The following PDE4B variants were observed in gnomAD, a reference collection of about 807,000 sequenced individuals.
PDE4B encodes phosphodiesterase 4B.
In PDE4B, 20 loss-of-function variants were observed where a neutral mutation model predicts 82.2. The observed-to-expected ratio is 0.24, with a 90% CI of 0.17 to 0.35. The LOEUF (loss-of-function observed/expected upper bound fraction) is 0.35, where lower values mean the gene tolerates loss of function less well. Ranked by LOEUF, PDE4B falls within the 10% of genes least tolerant of loss-of-function variation. PDE4B has a pLI of 1.00. For synonymous variants in PDE4B, 320 were observed against 318.9 expected (o/e 1.00, Z -0.04); for missense variants, 655 against 907.2 (o/e 0.72, Z 3.57).
chr1:66,140,843 AC>A (rs1322502044), intron 3 of PDE4B, among the ~76,000 whole-genome samples: 1 of 152,188 alleles, frequency 6.6e-6, no homozygotes, highest in African/African-American at 2.4e-5. Flanking sequence ...GATTTCACAT[AC>A]ATTTTTGCTC....
intron 1 of PDE4B, among the ~76,000 whole-genome samples, chr1:65,896,337 AT>A: frequency 6.6e-6 from 1 of 152,278 alleles, no homozygotes; most frequent in East Asian, 1.9e-4. Context: ...CATGAGACTA[AT>A]TCACTATCAC....
chr1:66,199,052 A>C (rs1463167752), intron 3 of PDE4B, among the ~76,000 whole-genome samples: 1 of 151,848 alleles, frequency 6.6e-6, no homozygotes, highest in African/African-American at 2.4e-5. Flanking sequence ...GCTATTGTGA[A>C]TAATGCTGCA....
chr1:65,826,797 AC>A (rs1243563927), intron 1 of PDE4B, among the ~76,000 whole-genome samples: 4 of 151,962 alleles, frequency 2.6e-5, no homozygotes, highest in Non-Finnish European at 5.9e-5. Flanking sequence ...GGAAAATTAC[AC>A]CCCCTATTGT....
At chr1:66,223,100 T>A (rs1651132729) in intron 3 of PDE4B, among the ~76,000 whole-genome samples, 1 of 152,158 alleles carries the variant, frequency 6.6e-6, no homozygotes, top group African/African-American at 2.4e-5. Context: ...ATCATAGAAA[T>A]TCAGCAATAA....
intron 3 of PDE4B, among the ~76,000 whole-genome samples, chr1:66,121,405 G>A (rs1473056387): frequency 1.3e-5 from 2 of 152,136 alleles, no homozygotes; most frequent in African/African-American, 4.8e-5. Context: ...CTGAACTAAG[G>A]GAAATCGTGG....
chr1:66,370,150 CAAAAAAAAAAA>C (rs752920376), intron 16 of PDE4B, among the ~76,000 whole-genome samples: 62 of 28,652 alleles, frequency 2.2e-3, no homozygotes, highest in African/African-American at 4.8e-3. Context: ...GACTCTATCT[CAAAAAAAAAAA>C]AAAAAAAAAA....
intron 3 of PDE4B, among the ~76,000 whole-genome samples, chr1:66,121,113 A>C (rs17128420): frequency 0.055 from 8,407 of 152,230 alleles, 579 homozygotes; most frequent in East Asian, 0.3. Flanking sequence ...GTGCTGCCTC[A>C]GGGGGTTACT....
intron 16 of PDE4B, among the ~76,000 whole-genome samples, chr1:66,371,558 G>T (rs1017126073): frequency 2.0e-5 from 3 of 152,158 alleles, no homozygotes; most frequent in African/African-American, 7.2e-5. Context: ...CTGCTTAATT[G>T]TTTTTTATTT....
chr1:66,183,018 A>T (rs914333986), intron 3 of PDE4B, among the ~76,000 whole-genome samples: 1 of 152,212 alleles, frequency 6.6e-6, no homozygotes, highest in Non-Finnish European at 1.5e-5. Flanking sequence ...CATAACCTGT[A>T]TCCAGCTTGT....
chr1:66,237,209 C>G (rs1279986664), intron 3 of PDE4B, among the ~76,000 whole-genome samples: 1 of 152,182 alleles, frequency 6.6e-6, no homozygotes, highest in Admixed American at 6.5e-5. Flanking sequence ...GCCAGGCTGT[C>G]TGCAGGTGCA....
At chr1:65,985,582 T>C (rs1214971626) in intron 3 of PDE4B, among the ~76,000 whole-genome samples, 1 of 152,158 alleles carries the variant, frequency 6.6e-6, no homozygotes, top group African/African-American at 2.4e-5. Flanking sequence ...TTATAGACAA[T>C]TTGCTGACAG....
chr1:66,186,806 C>A (rs1354781918), intron 3 of PDE4B, among the ~76,000 whole-genome samples: 1 of 152,158 alleles, frequency 6.6e-6, no homozygotes, highest in African/African-American at 2.4e-5. Context: ...TCCTCTTTTC[C>A]TAATTGAATA....
chr1:66,307,678 C>T (rs1658378309), intron 7 of PDE4B, among the ~76,000 whole-genome samples: 2 of 151,994 alleles, frequency 1.3e-5, no homozygotes, highest in Admixed American at 6.6e-5. Flanking sequence ...TGTGGTAGAC[C>T]TAATCAATCT....
chr1:65,933,669 T>TAA (rs965037711), intron 3 of PDE4B, among the ~76,000 whole-genome samples: 8 of 140,078 alleles, frequency 5.7e-5, no homozygotes, highest in Admixed American at 7.1e-5. Context: ...AGAATCCGTC[T>TAA]AAAAAAAAAA....
At chr1:66,072,990 C>T (rs1414399601) in intron 3 of PDE4B, among the ~76,000 whole-genome samples, 1 of 148,390 alleles carries the variant, frequency 6.7e-6, no homozygotes, top group Non-Finnish European at 1.5e-5. Context: ...ACTTCTCTAA[C>T]ACAAGTTGTA....
chr1:66,164,119 C>T (rs1303099809), intron 3 of PDE4B, among the ~76,000 whole-genome samples: 1 of 152,156 alleles, frequency 6.6e-6, no homozygotes, highest in Non-Finnish European at 1.5e-5. Flanking sequence ...ACAAGACATG[C>T]TTTAGTAGAT....
chr1:65,883,441 G>T (rs1646733281), intron 1 of PDE4B, among the ~76,000 whole-genome samples: 1 of 151,964 alleles, frequency 6.6e-6, no homozygotes, highest in African/African-American at 2.4e-5. Context: ...GTTCACTCAT[G>T]ATTTGGCTCT....
chr1:66,116,287 AT>A (rs1645592285), intron 3 of PDE4B, among the ~76,000 whole-genome samples: 1 of 151,992 alleles, frequency 6.6e-6, no homozygotes, highest in African/African-American at 2.4e-5. Flanking sequence ...GTCTGTTTAT[AT>A]TTAGGAAAGG....
chr1:66,207,608 G>A (rs1649653310), intron 3 of PDE4B, among the ~76,000 whole-genome samples: 1 of 152,138 alleles, frequency 6.6e-6, no homozygotes, highest in Non-Finnish European at 1.5e-5. Flanking sequence ...ATTTTTTAAA[G>A]TTACTGGGAA....
Sources: gnomAD v4.1 joint callset for allele counts (sites outside exome capture counted in the v4.1 genomes callset) on GRCh38, gnomAD v4.1.1 for gene constraint, MANE v1.5 for transcripts, NCBI Gene and HGNC (gene_info 2026-07-23, HGNC 2026-07-21) for gene names.